PDGFC: variants seen among roughly 807,000 people sequenced by gnomAD.
PDGFC encodes the protein platelet-derived growth factor C.
Under a neutral mutation model 35.5 loss-of-function variants are expected in PDGFC, and 12 were observed. That is an observed-to-expected ratio of 0.34 (90% CI 0.22 to 0.55). The LOEUF (loss-of-function observed/expected upper bound fraction) is 0.55, where lower values mean the gene tolerates loss of function less well. PDGFC is among the 20% of genes least tolerant of loss of function. PDGFC has a pLI of 0.91. For missense variants in PDGFC, 322 were observed against 412.4 expected (o/e 0.78, Z 1.90); for synonymous variants, 159 against 148.8 (o/e 1.07, Z -0.50).
intron 4 of PDGFC, among the ~76,000 whole-genome samples, chr4:156,771,711 G>A (rs1203393809): frequency 6.6e-6 from 1 of 152,124 alleles, no homozygotes; most frequent in Non-Finnish European, 1.5e-5. Context: ...CTTCTGACAA[G>A]GTTTAGAAGA....
intron 3 of PDGFC, among the ~76,000 whole-genome samples, chr4:156,798,804 C>A (rs1465232184): frequency 6.6e-6 from 1 of 152,152 alleles, no homozygotes; most frequent in Non-Finnish European, 1.5e-5. Flanking sequence ...ACACTTAATG[C>A]TATTTCATTA....
intron 1 of PDGFC, among the ~76,000 whole-genome samples, chr4:156,957,265 A>G (rs1273429966): frequency 6.6e-6 from 1 of 151,988 alleles, no homozygotes; most frequent in East Asian, 1.9e-4. Flanking sequence ...AAGAAACAAA[A>G]CATGTTTCCT....
intron 2 of PDGFC, among the ~76,000 whole-genome samples, chr4:156,817,652 C>T (rs1053074076): frequency 2.0e-5 from 3 of 152,106 alleles, no homozygotes; most frequent in African/African-American, 4.8e-5. Context: ...GATGCAGTAA[C>T]ATGGAGTTTC....
intron 1 of PDGFC, among the ~76,000 whole-genome samples, chr4:156,906,461 C>A: frequency 6.6e-6 from 1 of 151,794 alleles, no homozygotes; most frequent in Non-Finnish European, 1.5e-5. Flanking sequence ...TTTTTATAAT[C>A]ACTTGTAAAA....
At chr4:156,866,544 C>CGT (rs916196176) in intron 1 of PDGFC, among the ~76,000 whole-genome samples, 22 of 151,258 alleles carry the variant, frequency 1.5e-4, no homozygotes, top group African/African-American at 2.9e-4. Context: ...TGGGTGTGTG[C>CGT]GTGTGTGTGT....
At chr4:156,797,548 G>T (rs951709507) in intron 3 of PDGFC, among the ~76,000 whole-genome samples, 16 of 151,870 alleles carry the variant, frequency 1.1e-4, no homozygotes, top group African/African-American at 3.6e-4. Context: ...TCCCACACTG[G>T]AAGAAGAAGA....
intron 1 of PDGFC, among the ~76,000 whole-genome samples, chr4:156,966,257 G>A (rs750063021): frequency 1.1e-3 from 160 of 152,136 alleles, no homozygotes; most frequent in Non-Finnish European, 2.0e-3. Flanking sequence ...AGAAGCAACA[G>A]AGATTGCTTA....
At chr4:156,916,511 T>G (rs752072770) in intron 1 of PDGFC, among the ~76,000 whole-genome samples, 6 of 152,210 alleles carry the variant, frequency 3.9e-5, no homozygotes, top group Non-Finnish European at 8.8e-5. Flanking sequence ...TACTAGGCCC[T>G]AGATAGGATC....
chr4:156,899,224 T>C (rs1455329854), intron 1 of PDGFC, among the ~76,000 whole-genome samples: 3 of 152,190 alleles, frequency 2.0e-5, no homozygotes, highest in African/African-American at 7.2e-5. Flanking sequence ...CTATACTGAA[T>C]CCACAAAATG....
intron 3 of PDGFC, among the ~76,000 whole-genome samples, chr4:156,777,310 A>G (rs1481458215): frequency 6.6e-6 from 1 of 152,204 alleles, no homozygotes; most frequent in African/African-American, 2.4e-5. Context: ...ATGAATATAG[A>G]CACACGTTGT....
chr4:156,776,315 G>C (rs1281915983), intron 3 of PDGFC, among the ~76,000 whole-genome samples: 3 of 152,048 alleles, frequency 2.0e-5, no homozygotes, highest in African/African-American at 7.2e-5. Flanking sequence ...GCCTTGACTT[G>C]GATTTTCACA....
intron 1 of PDGFC, among the ~76,000 whole-genome samples, chr4:156,918,884 A>C (rs1468584233): frequency 6.6e-6 from 1 of 152,190 alleles, no homozygotes; most frequent in Non-Finnish European, 1.5e-5. Context: ...TTTCCCAAAA[A>C]GAACTTGCTT....
intron 2 of PDGFC, among the ~76,000 whole-genome samples, chr4:156,848,670 A>C (rs995857854): frequency 1.3e-5 from 2 of 152,050 alleles, no homozygotes; most frequent in African/African-American, 4.8e-5. Flanking sequence ...CATATTTCAA[A>C]ACAGCCAAGG....
chr4:156,770,031 A>G (rs1475320051), intron 4 of PDGFC, among the ~76,000 whole-genome samples: 1 of 152,058 alleles, frequency 6.6e-6, no homozygotes, highest in Non-Finnish European at 1.5e-5. Flanking sequence ...ATGATAATAG[A>G]AAATGAGATT....
intron 1 of PDGFC, among the ~76,000 whole-genome samples, chr4:156,892,257 T>C (rs912961001): frequency 6.6e-5 from 10 of 152,200 alleles, no homozygotes; most frequent in African/African-American, 2.4e-4. Context: ...ATAATCACAG[T>C]GAGTTTTCTT....
At chr4:156,911,432 C>T (rs1731036857) in intron 1 of PDGFC, among the ~76,000 whole-genome samples, 1 of 151,846 alleles carries the variant, frequency 6.6e-6, no homozygotes, top group Admixed American at 6.6e-5. Flanking sequence ...GAAATAGAGT[C>T]ATAAAATTAA....
intron 1 of PDGFC, among the ~76,000 whole-genome samples, chr4:156,941,860 A>C (rs1222735397): frequency 6.6e-6 from 1 of 152,164 alleles, no homozygotes; most frequent in Non-Finnish European, 1.5e-5. Flanking sequence ...TTTTGCAAGA[A>C]GAGCCTGTTA....
intron 3 of PDGFC, among the ~76,000 whole-genome samples, chr4:156,782,988 A>G (rs890852895): frequency 3.3e-5 from 5 of 152,188 alleles, no homozygotes; most frequent in African/African-American, 1.2e-4. Context: ...TAAAAACCCA[A>G]GTGCTGTGAG....
At chr4:156,849,722 T>G (rs1403138194) in intron 2 of PDGFC, among the ~76,000 whole-genome samples, 7 of 152,230 alleles carry the variant, frequency 4.6e-5, no homozygotes, top group Admixed American at 3.9e-4. Context: ...GAACTATATT[T>G]CTTCTTTGTG....
Sources: gnomAD v4.1 joint callset for allele counts (sites outside exome capture counted in the v4.1 genomes callset) on GRCh38, gnomAD v4.1.1 for gene constraint, MANE v1.5 for transcripts, NCBI Gene and HGNC (gene_info 2026-07-23, HGNC 2026-07-21) for gene names.